PBRM1: variants seen among roughly 807,000 people sequenced by gnomAD.
PBRM1 encodes the protein polybromo 1.
In PBRM1, 27 loss-of-function variants were observed where a neutral mutation model predicts 194.5. The ratio of observed to expected loss-of-function variants is 0.14; its 90% CI spans 0.10 to 0.19. The LOEUF is 0.19. Among genes scored for constraint, PBRM1 ranks in the 10% least tolerant of loss-of-function variants. The probability of loss-of-function intolerance (pLI) is 1.00; values close to 1 mark genes in which losing one functional copy is unlikely to be tolerated. For missense variants in PBRM1, 1,466 were observed against 2,077.2 expected, an observed-to-expected ratio of 0.71 and a Z score of 5.72; for synonymous variants, 655 against 693.2, an observed-to-expected ratio of 0.94 and a Z score of 0.87.
At chr3:52,673,516 A>C (rs2097002470) in intron 2 of PBRM1, among the ~76,000 whole-genome samples, 1 of 150,286 alleles carries the variant, frequency 6.7e-6, no homozygotes, top group African/African-American at 2.4e-5. Context: ...TAAAAGTACA[A>C]AAAAAATTAG....
intron 4 of PBRM1, among the ~76,000 whole-genome samples, chr3:52,661,505 G>A (rs1272023779): frequency 6.6e-6 from 1 of 152,156 alleles, no homozygotes; most frequent in Non-Finnish European, 1.5e-5. Flanking sequence ...TATAAAAACT[G>A]AAGACAACCC....
chr3:52,587,561 C>A (rs2092560566), intron 18 of PBRM1, 51 bp from the exon 21 acceptor site: 435 of 960,454 alleles, frequency 4.5e-4, no homozygotes, highest in Non-Finnish European at 6.0e-4. Flanking sequence ...TCATTGTTAA[C>A]AGAAATCACT....
rs2153484816 is a variant in PBRM1, at chr3:52,617,245, C to A, written c.1818+17G>T. 6.2e-7 allele frequency: 1 copy of A among 1,608,510 alleles called. No individual in the cohort carries two copies. The highest frequency in any genetic ancestry group is 2.2e-5 in the East Asian group (1 of 44,838). On this transcript the variant is annotated intron_variant, in intron 14 of 29. Transcript: ENST00000296302. ...CCCGCAAAATGTGCCTACTTCAGGA[C>A]CGCTGGCCCTCCTTACCTGGGAGCC...
At chr3:52,610,951 C>G (rs531646096) in intron 15 of PBRM1, among the ~76,000 whole-genome samples, 2 of 152,030 alleles carry the variant, frequency 1.3e-5, no homozygotes, top group Non-Finnish European at 2.9e-5. Context: ...AAAAACAAAA[C>G]AAAAAGAATA....
intron 3 of PBRM1, among the ~76,000 whole-genome samples, chr3:52,662,608 A>T (rs913853214): frequency 6.6e-6 from 1 of 152,140 alleles, no homozygotes; most frequent in Non-Finnish European, 1.5e-5. Flanking sequence ...CAGGTGGATC[A>T]TGAGGTCAAG....
chr3:52,592,286 C>G (rs548261739), intron 17 of PBRM1, among the ~76,000 whole-genome samples: 1 of 152,060 alleles, frequency 6.6e-6, no homozygotes, highest in South Asian at 2.1e-4. Context: ...TGCGTGCCAC[C>G]ACACCTGGCT....
At chr3:52,588,615 G>A (rs1052238896) in intron 18 of PBRM1, among the ~76,000 whole-genome samples, 4 of 147,008 alleles carry the variant, frequency 2.7e-5, no homozygotes, top group Admixed American at 6.9e-5. Flanking sequence ...GTGCAGTGGC[G>A]TGATCTCGGC....
At chr3:52,547,830 C>A (rs757058134), downstream of PBRM1, 6 of 410,594 alleles carry the variant, frequency 1.5e-5, no homozygotes, top group African/African-American at 2.1e-5. Context: ...TGGTTTTAAA[C>A]GAAGGAAACA....
intron 5 of PBRM1, among the ~76,000 whole-genome samples, chr3:52,654,884 C>T (rs1353882023): frequency 6.6e-6 from 1 of 152,008 alleles, no homozygotes; most frequent in African/African-American, 2.4e-5. Flanking sequence ...AACTCCTAGG[C>T]TCAAGTGATC....
intron 13 of PBRM1, among the ~76,000 whole-genome samples, chr3:52,623,891 T>C (rs909063728): frequency 2.6e-5 from 4 of 152,206 alleles, no homozygotes; most frequent in African/African-American, 9.6e-5. Flanking sequence ...CCATACATTA[T>C]GAATGATATG....
chr3:52,606,440 AAAAATTTTTGT>A (rs1351639360), intron 16 of PBRM1, among the ~76,000 whole-genome samples: 2 of 152,218 alleles, frequency 1.3e-5, no homozygotes, highest in African/African-American at 4.8e-5. Context: ...ATTAAAAGTA[AAAAATTTTTGT>A]AAAATTTTTG....
intron 2 of PBRM1, among the ~76,000 whole-genome samples, chr3:52,677,522 C>G: frequency 6.6e-6 from 1 of 150,900 alleles, no homozygotes; most frequent in Admixed American, 6.6e-5. Flanking sequence ...AAGTGATTCT[C>G]CTGCCTCAGT....
chr3:52,682,937 T>C (rs928837822), upstream of PBRM1, among the ~76,000 whole-genome samples: 1 of 152,070 alleles, frequency 6.6e-6, no homozygotes, highest in South Asian at 2.1e-4. Context: ...CGGTGGCTCA[T>C]GTCTGTAATC....
At chr3:52,623,549 AAAAAC>A (rs1291097457) in intron 13 of PBRM1, among the ~76,000 whole-genome samples, 2 of 152,212 alleles carry the variant, frequency 1.3e-5, no homozygotes, top group Non-Finnish European at 2.9e-5. Flanking sequence ...ACATCTGACT[AAAAAC>A]AAAACCAAAA....
intron 3 of PBRM1, among the ~76,000 whole-genome samples, chr3:52,666,883 C>A: frequency 8.2e-6 from 1 of 122,122 alleles, no homozygotes; most frequent in African/African-American, 3.3e-5. Flanking sequence ...CAAAGGAGAT[C>A]GTGTCTCAAA....
intron 21 of PBRM1, 143 bp from the exon 24 acceptor site, chr3:52,576,841 TA>T (rs1167463675): frequency 2.2e-5 from 11 of 505,576 alleles, no homozygotes; most frequent in South Asian, 1.1e-4. Flanking sequence ...ACAACTTCAT[TA>T]ATTTTTTCCC....
chr3:52,638,121 A>G (rs1237243706), intron 10 of PBRM1, among the ~76,000 whole-genome samples: 1 of 152,158 alleles, frequency 6.6e-6, no homozygotes, highest in African/African-American at 2.4e-5. Flanking sequence ...GATTACTTTT[A>G]TCTTTTCTAA....
intron 3 of PBRM1, among the ~76,000 whole-genome samples, chr3:52,668,244 C>CCAAG (rs1391295049): frequency 6.6e-6 from 1 of 152,276 alleles, no homozygotes; most frequent in East Asian, 1.9e-4. Flanking sequence ...CTGCCATGAG[C>CCAAG]CAAGATCTCA....
chr3:52,547,839 CAT>C, downstream of PBRM1: 1 of 434,328 alleles, frequency 2.3e-6, no homozygotes, highest in East Asian at 4.2e-5. Context: ...ACGAAGGAAA[CAT>C]ATGCAAAAAA....
Sources: gnomAD v4.1 joint callset for allele counts (sites outside exome capture counted in the v4.1 genomes callset) on GRCh38, gnomAD v4.1.1 for gene constraint, MANE v1.5 for transcripts, NCBI Gene and HGNC (gene_info 2026-07-23, HGNC 2026-07-21) for gene names.